The following ITM2C variants were observed in gnomAD, a reference collection of about 807,000 sequenced individuals.
The protein encoded by ITM2C is integral membrane protein 2C.
Under a neutral mutation model 30.0 loss-of-function variants are expected in ITM2C, and 20 were observed. That is an observed-to-expected ratio of 0.67 (90% CI 0.47 to 0.97). ITM2C has a LOEUF of 0.97. ITM2C is among the 50% of genes least tolerant of loss of function. The pLI, the probability that ITM2C is intolerant of heterozygous loss-of-function variation, is 0.00. For synonymous variants in ITM2C, 167 were observed against 156.4 expected (o/e 1.07, Z -0.51); for missense variants, 366 against 371.9 (o/e 0.98, Z 0.13).
chr2:230,871,215 CT>C (rs1288928261), intron 1 of ITM2C, among the ~76,000 whole-genome samples: 1 of 152,240 alleles, frequency 6.6e-6, no homozygotes, highest in African/African-American at 2.4e-5. Context: ...AATCTGAGCC[CT>C]GGTGTTTGTT....
chr2:230,874,957 G>A (rs1469198661), intron 2 of ITM2C, among the ~76,000 whole-genome samples: 1 of 152,202 alleles, frequency 6.6e-6, no homozygotes, highest in African/African-American at 2.4e-5. Flanking sequence ...TCCAGGAAGG[G>A]CGATGGCACT....
intron 1 of ITM2C, among the ~76,000 whole-genome samples, chr2:230,867,358 C>T (rs1285987018): frequency 6.6e-6 from 1 of 152,214 alleles, no homozygotes; most frequent in Non-Finnish European, 1.5e-5. Flanking sequence ...TCCTGTTGCC[C>T]CACTTGGCCA....
chr2:230,875,832 G>GT, intron 3 of ITM2C, 24 bp downstream of exon 3: 1 of 371,650 alleles, frequency 2.7e-6, no homozygotes, highest in Non-Finnish European at 5.3e-6. Context: ...GGGCCTGGGG[G>GT]TGGGGGGTGG....
upstream of ITM2C, chr2:230,864,871 G>T: frequency 1.0e-6 from 1 of 984,414 alleles, no homozygotes; most frequent in South Asian, 5.2e-5. This position sits in a 1 kb window ranked among gnomAD's most constrained non-coding sequence, Gnocchi z 4.3. Context: ...GGGCCCTCCC[G>T]CGGGGACGGG....
rs1343405304 is a variant in ITM2C at position 230,875,688 on chromosome 2, T to C, written c.330T>C (p.Thr110=). Reference sequence around the variant, plus strand: ...ACTCCCTGTCCTCCCAGGTCCGGACTCAGATGGAGCTGGAAGAGGATGTGA... The same window carrying C: ...ACTCCCTGTCCTCCCAGGTCCGGACCCAGATGGAGCTGGAAGAGGATGTGA... ...YEDSLSSQVR[T]QMELEEDVKI... Residue 110 remains threonine (T), a synonymous_variant, in exon 3 of 6, where the codon ACT becomes ACC. Coordinates refer to ENST00000326427, the MANE Select transcript of ITM2C (RefSeq NM_030926.6). The C allele has an allele frequency of 1.9e-6, 3 of 1,613,614 alleles. No homozygotes were observed. Among genetic ancestry groups the C allele is most frequent in the Non-Finnish European group, 2.5e-6 (3 of 1,179,694 alleles).
rs1314362195 is a variant in ITM2C, at chr2:230,876,781, G to A, written c.451-76G>A. ...AGGCATGAGCCACCGCGCCTGGCTG[G>A]CCAAAGCTTCTTGCAGCCCTGCCTG... is the stretch of plus-strand genomic sequence containing the variant. On this transcript the variant is annotated intron_variant, in intron 3 of 5. Coordinates refer to ENST00000326427, the MANE Select transcript of ITM2C (RefSeq NM_030926.6). 4.1e-5 allele frequency: 41 copies of A among 1,007,650 alleles called. 1 individual carries two copies. The highest frequency in any genetic ancestry group is 3.3e-4 in the South Asian group (24 of 73,172). 62.4% of individuals were successfully genotyped at this position (1,007,650 alleles called of 1,614,324 possible).
rs1232924867 is a variant in ITM2C at position 230,876,873 on chromosome 2, A to G, written c.467A>G (p.His156Arg). 1.2e-6 allele frequency: 2 copies of G among 1,613,578 alleles called. No homozygotes were observed. The highest frequency in any genetic ancestry group is 1.7e-6 in the Non-Finnish European group (2 of 1,179,556). The change falls in exon 4 of 6, where the codon CAT (histidine) becomes CGT (arginine). Residue 156 changes from histidine to arginine, a missense_variant. His to Arg is a conservative substitution (Grantham distance 29). Coordinates refer to ENST00000326427, the MANE Select transcript of ITM2C (RefSeq NM_030926.6). ...TCCTGCCAGGGTCTGACTGCGTACC[A>G]TGATATCTCCCTGGACAAGTGCTAT... ...HDFQRGLTAY[H>R]DISLDKCYVI...
intron 2 of ITM2C, among the ~76,000 whole-genome samples, chr2:230,874,725 C>T (rs1020820895): frequency 1.4e-4 from 21 of 152,324 alleles, no homozygotes; most frequent in African/African-American, 1.9e-4. Context: ...ATCAAACAGA[C>T]GGTGGAATCC....
At chr2:230,871,059 A>G (rs921844189) in intron 1 of ITM2C, among the ~76,000 whole-genome samples, 3 of 152,270 alleles carry the variant, frequency 2.0e-5, no homozygotes, top group African/African-American at 7.2e-5. Flanking sequence ...TTGATCCTTT[A>G]CAAAGGGCTT....
At chr2:230,871,407 C>T (rs1475227584) in intron 1 of ITM2C, among the ~76,000 whole-genome samples, 8 of 152,240 alleles carry the variant, frequency 5.3e-5, no homozygotes, top group Non-Finnish European at 8.8e-5. Context: ...GTGTCACCCC[C>T]GTCTCTTGCT....
chr2:230,872,625 C>T (rs372189454), intron 1 of ITM2C, among the ~76,000 whole-genome samples: 79 of 152,326 alleles, frequency 5.2e-4, no homozygotes, highest in African/African-American at 1.9e-3. Flanking sequence ...CTGGCAGGAG[C>T]TCCCTGGTGG....
chr2:230,870,950 CAA>C (rs1697150460), intron 1 of ITM2C, among the ~76,000 whole-genome samples: 1 of 152,056 alleles, frequency 6.6e-6, no homozygotes, highest in Admixed American at 6.6e-5. Context: ...AATGCAGAAG[CAA>C]AAGTCTGGCC....
At position 230,875,814 on chromosome 2, in the gene ITM2C, G is replaced by A; in HGVS notation, c.450+6G>A. On this transcript the variant is annotated splice_donor_region_variant and intron_variant, in intron 3 of 5. Transcript: ENST00000326427. ...TCATCCATGACTTCCAGCGGGTGAG[G>A]CTGGCCAGGGCCTGGGGGTGGGGGG... The A allele has an allele frequency of 2.8e-6, 2 of 706,946 alleles. No homozygotes were observed. Among genetic ancestry groups the A allele is most frequent in the Non-Finnish European group, 2.2e-6 (1 of 464,298 alleles). 43.8% of individuals were successfully genotyped at this position (706,946 alleles called of 1,614,324 possible). A position where few individuals can be genotyped will look rare whatever the true frequency, so the allele number is the denominator to read the frequency against.
In ITM2C at chr2:230,876,901, C is replaced by T. The variant is rs1331687272; in HGVS notation, c.495C>T (p.Val165=). The T allele has an allele frequency of 3.1e-6, 5 of 1,613,966 alleles. No homozygotes were observed. Among genetic ancestry groups the T allele is most frequent in the African/African-American group, 1.3e-5 (1 of 74,920 alleles). ...YHDISLDKCY[V]IELNTTIVLP... ...ATATCTCCCTGGACAAGTGCTATGT[C>T]ATCGAACTCAACACCACCATTGTGC... is the stretch of plus-strand genomic sequence containing the variant. Residue 165 remains valine (V), a synonymous_variant, in exon 4 of 6, where the codon GTC becomes GTT. Transcript: ENST00000326427.
In ITM2C at chr2:230,877,374, A is replaced by AAGC. The variant is rs1559159155; in HGVS notation, c.562-26_562-25insAGC. The AAGC allele has an allele frequency of 6.2e-7, 1 of 1,610,724 alleles. No homozygotes were observed. The highest frequency in any genetic ancestry group is 8.5e-7 in the Non-Finnish European group (1 of 1,177,940). ...GGACGAAAGCCTGAGGGGCCGACTCACTGTGGCGGCCACCTTGTTTTGCAG... is the reference window on the plus strand; with the variant it reads ...GGACGAAAGCCTGAGGGGCCGACTCAAGCCTGTGGCGGCCACCTTGTTTTGCAG... On this transcript the variant is annotated intron_variant, in intron 4 of 5. Coordinates refer to ENST00000326427, the MANE Select transcript of ITM2C (RefSeq NM_030926.6). This position sits in a 1 kb window ranked among gnomAD's most constrained non-coding sequence, Gnocchi z 4.8.
chr2:230,876,838 CA>C lies in ITM2C; in HGVS notation c.451-17del. 6.4e-7 allele frequency: 1 copy of C among 1,573,282 alleles called. No homozygotes were observed. Among genetic ancestry groups the C allele is most frequent in the Non-Finnish European group, 8.7e-7 (1 of 1,143,562 alleles). On this transcript the variant is annotated intron_variant, in intron 3 of 5. Transcript: ENST00000326427. Reference sequence around the variant, plus strand: ...CTGTCACCTCCTGCAGAGACTGACCCAACCCCTTCTCCTGCCAGGGTCTGAC... The same window carrying C: ...CTGTCACCTCCTGCAGAGACTGACCCACCCCTTCTCCTGCCAGGGTCTGAC...
At chr2:230,873,846 C>T (rs891922782) in intron 2 of ITM2C, among the ~76,000 whole-genome samples, 46 of 152,364 alleles carry the variant, frequency 3.0e-4, no homozygotes, top group Admixed American at 1.8e-3. Flanking sequence ...ACCAGAAACT[C>T]AGATCTGGCA....
intron 2 of ITM2C, among the ~76,000 whole-genome samples, chr2:230,874,212 A>G (rs1164110718): frequency 1.3e-5 from 2 of 152,242 alleles, no homozygotes; most frequent in Non-Finnish European, 2.9e-5. Context: ...CCAGTCATTT[A>G]TGACCCAAGT....
At chr2:230,873,336 C>A in intron 1 of ITM2C, 81 bp from the exon 2 acceptor site, 1 of 1,357,330 alleles carries the variant, frequency 7.4e-7, no homozygotes, top group South Asian at 1.8e-5. Context: ...GCCCAGCCAG[C>A]AGGTGAAGCC....
Sources: allele counts gnomAD v4.1 joint callset (sites outside exome capture counted in the v4.1 genomes callset), GRCh38; gene constraint gnomAD v4.1.1; non-coding constraint Gnocchi (gnomAD v3.1); transcripts MANE v1.5; gene names NCBI Gene and HGNC (gene_info 2026-07-23, HGNC 2026-07-21).